Variants in ALPK1 observed in about 807,000 individuals in gnomAD.
ALPK1 encodes alpha-protein kinase 1.
In ALPK1, 110 loss-of-function variants were observed where a neutral mutation model predicts 120.6. That is an observed-to-expected ratio of 0.91 (90% CI 0.78 to 1.07). ALPK1 has a LOEUF of 1.07. Ranked by LOEUF, ALPK1 falls within the 50% of genes least tolerant of loss-of-function variation. The probability of loss-of-function intolerance (pLI) is 0.00; values close to 1 mark genes in which losing one functional copy is unlikely to be tolerated. For missense variants in ALPK1, 1,498 were observed against 1,483.9 expected (o/e 1.01, Z -0.16); for synonymous variants, 582 against 560.3 (o/e 1.04, Z -0.55).
intron 2 of ALPK1, among the ~76,000 whole-genome samples, chr4:112,329,636 G>A (rs1729272662): frequency 1.3e-5 from 2 of 152,196 alleles, no homozygotes; most frequent in South Asian, 4.1e-4. Context: ...GGATTTAAAG[G>A]CACCCATTAG....
chr4:112,411,641 A>C (rs903037288), intron 4 of ALPK1, 186 bp from the exon 5 acceptor site: 135 of 610,652 alleles, frequency 2.2e-4, no homozygotes, highest in African/African-American at 1.9e-3. Flanking sequence ...AGGAAATACT[A>C]TTTTATTGCA....
chr4:112,385,079 G>A (rs1291091171), intron 4 of ALPK1, among the ~76,000 whole-genome samples: 1 of 152,166 alleles, frequency 6.6e-6, no homozygotes, highest in Non-Finnish European at 1.5e-5. Context: ...GCTGAGTGAT[G>A]TGGCACATCA....
intron 4 of ALPK1, among the ~76,000 whole-genome samples, chr4:112,392,554 C>T (rs1170528879): frequency 2.0e-5 from 3 of 152,168 alleles, no homozygotes; most frequent in African/African-American, 7.2e-5. Flanking sequence ...CAGTGTATGT[C>T]TCTGTTGCCC....
Position 112,440,955 on chromosome 4 carries a change from A to G in ALPK1, c.3577A>G (p.Thr1193Ala). Residue 1193 changes from threonine to alanine, a missense_variant, in exon 15 of 16, where the codon ACA becomes GCA. By Grantham distance (58) the Thr-to-Ala change is moderately conservative (BLOSUM62 0). Transcript: ENST00000650871. Reference protein sequence around the residue: ...TGNGKGLIYLTDPQIHSVDQK... With the variant: ...TGNGKGLIYLADPQIHSVDQK... ...TAATGGAAAAGGACTCATCTACCTC[A>G]CAGATCCCCAGATTCACTCCGTTGA... 1 of 1,613,758 alleles carries G rather than the reference A, an allele frequency of 6.2e-7. No individual in the cohort carries two copies. Among genetic ancestry groups the G allele is most frequent in the Non-Finnish European group, 8.5e-7 (1 of 1,179,836 alleles).
At chr4:112,357,395 C>A in intron 2 of ALPK1, 2 of 690,292 alleles carry the variant, frequency 2.9e-6, no homozygotes, top group East Asian at 2.6e-5. Flanking sequence ...AGTGCACATC[C>A]ATCCTGATGC....
At chr4:112,325,919 C>T (rs532927615) in intron 2 of ALPK1, among the ~76,000 whole-genome samples, 8 of 152,198 alleles carry the variant, frequency 5.3e-5, no homozygotes, top group Non-Finnish European at 1.0e-4. Context: ...ACCCAGGCTT[C>T]CCTAAGGCCC....
In ALPK1 at chr4:112,404,023, C is replaced by T. The variant is rs531639229; in HGVS notation, c.277-7804C>T. Among the ~76,000 whole-genome samples the T allele has an allele frequency of 7.9e-5, 12 of 152,348 alleles. 1 individual carries two copies. The East Asian group carries it at 2.3e-3, about 29-fold the overall frequency. ...AATTCGCACGTGTGTGCTTAGAAGG[C>T]CCCCTTTCAAGACCCAGCTTTCCCT... On this transcript the variant is annotated intron_variant, in intron 4 of 15. Coordinates refer to ENST00000650871, the MANE Select transcript of ALPK1 (RefSeq NM_025144.4).
intron 2 of ALPK1, among the ~76,000 whole-genome samples, chr4:112,370,002 T>C (rs1384456845): frequency 2.0e-5 from 3 of 152,222 alleles, no homozygotes; most frequent in African/African-American, 7.2e-5. Flanking sequence ...TGGGTTATAA[T>C]AGCAGTGGCA....
At chr4:112,319,761 C>G (rs1461863368) in intron 2 of ALPK1, among the ~76,000 whole-genome samples, 1 of 152,132 alleles carries the variant, frequency 6.6e-6, no homozygotes, top group Non-Finnish European at 1.5e-5. Flanking sequence ...TTTTTCACCT[C>G]CTTGGTTAAG....
chr4:112,358,052 G>T, intron 2 of ALPK1: 1 of 591,838 alleles, frequency 1.7e-6, no homozygotes. Flanking sequence ...GATCATCACG[G>T]GCCTCCATAG....
chr4:112,384,546 C>T (rs1488684292), intron 4 of ALPK1: 1 of 152,202 alleles, frequency 6.6e-6, no homozygotes, highest in Non-Finnish European at 1.5e-5. Context: ...AATGTGAGAC[C>T]TCCCAACAAT....
At chr4:112,349,664 C>A (rs1285166891) in intron 2 of ALPK1, among the ~76,000 whole-genome samples, 1 of 151,044 alleles carries the variant, frequency 6.6e-6, no homozygotes, top group Non-Finnish European at 1.5e-5. Context: ...AGCGATTCTC[C>A]TGCCTCAGTC....
chr4:112,440,259 T>C (rs1462795625), intron 14 of ALPK1, among the ~76,000 whole-genome samples: 2 of 152,156 alleles, frequency 1.3e-5, no homozygotes, highest in East Asian at 3.8e-4. Context: ...ATTAAAAGTG[T>C]GATGTTGGGT....
chr4:112,312,953 C>A (rs973463917), intron 1 of ALPK1, among the ~76,000 whole-genome samples: 2 of 152,192 alleles, frequency 1.3e-5, no homozygotes, highest in Non-Finnish European at 2.9e-5. Flanking sequence ...CTTCCGGTAA[C>A]CCCAACTGCT....
At chr4:112,438,455 T>C in intron 12 of ALPK1, 29 bp from the exon 13 acceptor site, 1 of 1,606,610 alleles carries the variant, frequency 6.2e-7, no homozygotes, top group Non-Finnish European at 8.5e-7. Flanking sequence ...ACTTTTGCAT[T>C]TTGTTGTGTG....
At chr4:112,375,243 A>T (rs1204967814) in intron 2 of ALPK1, among the ~76,000 whole-genome samples, 2 of 147,948 alleles carry the variant, frequency 1.4e-5, no homozygotes, top group Non-Finnish European at 3.0e-5. Context: ...GTAGAGGTGC[A>T]GTCACAGCTC....
rs1233399444 is a variant in ALPK1 at position 112,439,850 on chromosome 4, A to G, written c.3516A>G (p.Arg1172=). The change falls in exon 14 of 16, where the codon AGA becomes AGG. Residue 1172 remains arginine, a synonymous_variant. Coordinates refer to ENST00000650871, the MANE Select transcript of ALPK1 (RefSeq NM_025144.4). ...GHFSYEFSNH[R]DVVVDLQGWV... is the part of the protein sequence containing the mutation. ...TTTCTTATGAGTTTTCTAATCATAG[A>G]GATGTTGTGGTCGATTTACAAGGTA... 2 of 1,608,916 alleles carry G rather than the reference A, an allele frequency of 1.2e-6. No homozygotes were observed. The highest frequency in any genetic ancestry group is 1.7e-6 in the Non-Finnish European group (2 of 1,178,862).
intron 2 of ALPK1, 188 bp downstream of exon 2, chr4:112,316,040 A>G (rs1728621059): frequency 6.6e-6 from 1 of 152,246 alleles, no homozygotes; most frequent in African/African-American, 2.4e-5. Context: ...GGTAAAATAC[A>G]CATAATATAA....
chr4:112,348,388 C>A (rs1198187489), intron 2 of ALPK1, among the ~76,000 whole-genome samples: 1 of 152,232 alleles, frequency 6.6e-6, no homozygotes. Context: ...CCATGAGGTG[C>A]TTAGGCGCGG....
Sources: gnomAD v4.1 joint callset for allele counts (sites outside exome capture counted in the v4.1 genomes callset) on GRCh38, gnomAD v4.1.1 for gene constraint, MANE v1.5 for transcripts, NCBI Gene and HGNC (gene_info 2026-07-23, HGNC 2026-07-21) for gene names.